The following SLC12A7 variants were observed in gnomAD, a reference collection of about 807,000 sequenced individuals.
SLC12A7 encodes solute carrier family 12 member 7.
In SLC12A7, 100 loss-of-function variants were observed where a neutral mutation model predicts 120.6. The ratio of observed to expected loss-of-function variants is 0.83; its 90% CI spans 0.71 to 0.98. SLC12A7 has a LOEUF of 0.98. Among genes scored for constraint, SLC12A7 ranks in the 50% least tolerant of loss-of-function variants. SLC12A7 has a pLI of 0.00. For synonymous variants in SLC12A7, 760 were observed against 678.0 expected (o/e 1.12, Z -1.88); for missense variants, 1,373 against 1,548.1 (o/e 0.89, Z 1.90).
chr5:1,073,588 C>A, intron 17 of SLC12A7, 45 bp downstream of exon 17: 3 of 1,563,860 alleles, frequency 1.9e-6, no homozygotes, highest in Non-Finnish European at 2.6e-6. Flanking sequence ...TCCTGTGCAG[C>A]TGGGGTGGGA....
At chr5:1,096,689 G>C (rs968882215) in intron 1 of SLC12A7, among the ~76,000 whole-genome samples, 2 of 113,812 alleles carry the variant, frequency 1.8e-5, no homozygotes, top group African/African-American at 7.4e-5. Flanking sequence ...AGGAGGGAGG[G>C]GGGAAGGGAG....
chr5:1,132,705 G>A, the SLC12A7 span, among the ~76,000 whole-genome samples: 164 of 152,142 alleles, frequency 1.1e-3, 1 homozygote, highest in African/African-American at 3.6e-3. Context: ...TCTCCTTGGC[G>A]TGCTCCGGCC....
rs1734944728 is a variant in SLC12A7, at chr5:1,050,643, G to A, written c.*1717C>T. On this transcript the variant is annotated 3_prime_UTR_variant, in exon 24 of 24. Coordinates refer to ENST00000264930, the MANE Select transcript of SLC12A7 (RefSeq NM_006598.3). ...AGCCACCAACCAACGTTCAGAGCCA[G>A]CACCATGTGGCCGCTGTGCCTCTAG... 2.6e-6 allele frequency: 1 copy of A among 385,364 alleles called. No homozygotes were observed. The highest frequency in any genetic ancestry group is 2.1e-5 in the African/African-American group (1 of 48,522). 23.9% of individuals were successfully genotyped at this position (385,364 alleles called of 1,614,324 possible). A position where few individuals can be genotyped will look rare whatever the true frequency, so the allele number is the denominator to read the frequency against.
intron 7 of SLC12A7, among the ~76,000 whole-genome samples, chr5:1,084,324 C>T (rs186201103): frequency 6.6e-4 from 100 of 152,326 alleles, no homozygotes; most frequent in Middle Eastern, 3.4e-3. Flanking sequence ...TTCCACCGCG[C>T]GGTGCCGAGT....
chr5:1,151,670 C>T, the SLC12A7 span, among the ~76,000 whole-genome samples: 1 of 152,024 alleles, frequency 6.6e-6, no homozygotes, highest in Non-Finnish European at 1.5e-5. This position sits in a 1 kb window ranked among gnomAD's most constrained non-coding sequence, Gnocchi z 6.2. Context: ...TCCAGCCTGC[C>T]CATCCTCTAG....
At chr5:1,154,031 T>A in the SLC12A7 span, among the ~76,000 whole-genome samples, 1 of 152,036 alleles carries the variant, frequency 6.6e-6, no homozygotes, top group Non-Finnish European at 1.5e-5. Flanking sequence ...CCATCTCATC[T>A]CCACACGCAT....
At chr5:1,109,571 C>T (rs537477385) in intron 1 of SLC12A7, among the ~76,000 whole-genome samples, 55 of 152,354 alleles carry the variant, frequency 3.6e-4, no homozygotes, top group Middle Eastern at 6.8e-3. Flanking sequence ...CTGCAGGGGT[C>T]GGGGACAGAA....
chr5:1,050,957 T>C lies in SLC12A7; in HGVS notation c.*1403A>G, dbSNP rs935220440. 2.5e-6 allele frequency: 1 copy of C among 398,572 alleles called. No individual in the cohort carries two copies. Among genetic ancestry groups the C allele is most frequent in the Non-Finnish European group, 4.4e-6 (1 of 226,086 alleles). 24.7% of individuals were successfully genotyped at this position (398,572 alleles called of 1,614,324 possible). ...CTTGGGAGACCATGCAAGCCAGACG[T>C]AGCCCAAGGCCTGGCCATCTGGGGC... On this transcript the variant is annotated 3_prime_UTR_variant, in exon 24 of 24. Transcript: ENST00000264930.
rs1438639292 is a variant in SLC12A7 at position 1,081,838 on chromosome 5, G to A, written c.1130-94C>T. 3.4e-5 allele frequency: 50 copies of A among 1,458,548 alleles called. No individual in the cohort carries two copies. In the East Asian group the frequency reaches 1.2e-3, roughly 34 times the overall value. 90.4% of individuals were successfully genotyped at this position (1,458,548 alleles called of 1,614,324 possible). On this transcript the variant is annotated intron_variant, in intron 8 of 23. Coordinates refer to ENST00000264930, the MANE Select transcript of SLC12A7 (RefSeq NM_006598.3). ...CACTCCCCGGCAGGTGCCACTGGTG[G>A]CCGGAGGGGAAGGGTCACAGCTTGT...
intron 1 of SLC12A7, among the ~76,000 whole-genome samples, chr5:1,109,508 A>G (rs1742828953): frequency 6.6e-6 from 1 of 152,222 alleles, no homozygotes; most frequent in Non-Finnish European, 1.5e-5. Flanking sequence ...CACAGTGCCC[A>G]TCCCCGGGAC....
At chr5:1,148,016 G>T in the SLC12A7 span, among the ~76,000 whole-genome samples, 1 of 151,902 alleles carries the variant, frequency 6.6e-6, no homozygotes, top group Non-Finnish European at 1.5e-5. Flanking sequence ...ATTATGCCTC[G>T]CCTGGCTTTG....
At chr5:1,089,713 C>T (rs571805706) in intron 3 of SLC12A7, among the ~76,000 whole-genome samples, 57 of 152,342 alleles carry the variant, frequency 3.7e-4, no homozygotes, top group Non-Finnish European at 6.2e-4. Context: ...TGCCCCAGCA[C>T]GGAGCAGGCA....
chr5:1,144,502 G>A, the SLC12A7 span, among the ~76,000 whole-genome samples: 3 of 152,244 alleles, frequency 2.0e-5, no homozygotes, highest in East Asian at 1.9e-4. Context: ...GAATTCAACT[G>A]TGGAACGGGA....
upstream of SLC12A7, among the ~76,000 whole-genome samples, chr5:1,112,299 T>TGGGC (rs1743087494): frequency 1.0e-5 from 1 of 99,310 alleles, no homozygotes. Context: ...CCCCTCCTGC[T>TGGGC]CCAGCCCCCT....
chr5:1,154,701 C>A, the SLC12A7 span, among the ~76,000 whole-genome samples: 4 of 152,220 alleles, frequency 2.6e-5, no homozygotes, highest in African/African-American at 9.6e-5. Context: ...CATACATGAA[C>A]AGGCGAAACG....
intron 22 of SLC12A7, among the ~76,000 whole-genome samples, chr5:1,054,765 G>A (rs1735431641): frequency 6.6e-6 from 1 of 152,244 alleles, no homozygotes; most frequent in Non-Finnish European, 1.5e-5. Context: ...CCACATAAAC[G>A]TGATCATAAC....
chr5:1,132,473 T>G, the SLC12A7 span, among the ~76,000 whole-genome samples: 26 of 152,166 alleles, frequency 1.7e-4, no homozygotes, highest in African/African-American at 6.0e-4. Flanking sequence ...TTCTTTCTTG[T>G]GTGAGGTCCA....
In SLC12A7 at chr5:1,063,976, C is replaced by T; in HGVS notation, c.2608-1G>A. On this transcript the variant is annotated splice_acceptor_variant, in intron 19 of 23. Coordinates refer to ENST00000264930, the MANE Select transcript of SLC12A7 (RefSeq NM_006598.3). LOFTEE classifies it high-confidence loss of function. ...TACGCATCCGGCACTTCCTCCACAC[C>T]TGCAGACAGGGAGGGCATGGCTGTG... 6.2e-7 allele frequency: 1 copy of T among 1,612,126 alleles called. No individual in the cohort carries two copies. Among genetic ancestry groups the T allele is most frequent in the Non-Finnish European group, 8.5e-7 (1 of 1,179,512 alleles).
chr5:1,085,372 G>C lies in SLC12A7; in HGVS notation c.777C>G (p.Leu259=). The C allele has an allele frequency of 1.9e-6, 3 of 1,612,290 alleles. No individual in the cohort carries two copies. The highest frequency in any genetic ancestry group is 2.5e-6 in the Non-Finnish European group (3 of 1,179,700). ...HNMRVYGTCT[L]VLMALVVFVG... ...CGAAGACCACCAGGGCCATGAGCAC[G>C]AGCGTGCACGTGCCGTACACACGCA... Residue 259 remains leucine (L), a synonymous_variant, in exon 7 of 24, where the codon CTC becomes CTG. Coordinates refer to ENST00000264930, the MANE Select transcript of SLC12A7 (RefSeq NM_006598.3).
Sources: gnomAD v4.1 joint callset for allele counts (sites outside exome capture counted in the v4.1 genomes callset) on GRCh38, gnomAD v4.1.1 for gene constraint, Gnocchi (gnomAD v3.1) non-coding constraint, MANE v1.5 for transcripts, NCBI Gene and HGNC (gene_info 2026-07-23, HGNC 2026-07-21) for gene names.